CHST6: variants seen among roughly 807,000 people sequenced by gnomAD.
The protein encoded by CHST6 is N-acetylglucosamine 6-O-sulfotransferase 5.
For synonymous variants in CHST6, 309 were observed against 276.4 expected (o/e 1.12, Z -1.17); for missense variants, 698 against 586.2 (o/e 1.19, Z -1.97).
At chr16:75,487,284 T>G (rs1462528811) in intron 1 of CHST6, among the ~76,000 whole-genome samples, 1 of 152,076 alleles carries the variant, frequency 6.6e-6, no homozygotes, top group Admixed American at 6.6e-5. Flanking sequence ...CCAAGGATGG[T>G]TTTCCATAGC....
intron 1 of CHST6, among the ~76,000 whole-genome samples, chr16:75,486,731 C>T (rs1441725592): frequency 6.6e-6 from 1 of 152,222 alleles, no homozygotes; most frequent in East Asian, 1.9e-4. Context: ...GACCCCTCAG[C>T]TGAGGGAAGC....
rs752453536 is a variant in CHST6 at position 75,479,746 on chromosome 16, C to A, written c.83G>T (p.Arg28Leu). ...QTFLLLFLVS[R>L]PGPSSPAGGE... ...GCCTGCTGGGGACGAGGGCCCTGGC[C>A]GGGAAACCAGAAAGAGGAGGAGGAA... Residue 28 changes from arginine to leucine, a missense_variant, in exon 3 of 3, where the codon CGG becomes CTG. Arg to Leu is a moderately radical substitution (Grantham distance 102). Transcript: ENST00000332272. 2 of 1,603,434 alleles carry A rather than the reference C, an allele frequency of 1.2e-6. No homozygotes were observed. Among genetic ancestry groups the A allele is most frequent in the South Asian group, 2.2e-5 (2 of 89,996 alleles).
chr16:75,489,680 C>G (rs1227910951), intron 1 of CHST6, among the ~76,000 whole-genome samples: 2 of 152,004 alleles, frequency 1.3e-5, no homozygotes, highest in Non-Finnish European at 2.9e-5. Context: ...AGTTGCAAAT[C>G]ATGTCTACAG....
chr16:75,479,627 A>G lies in CHST6; in HGVS notation c.202T>C (p.Tyr68His), dbSNP rs775742450. The change falls in exon 3 of 3, where the codon TAC becomes CAC. Residue 68 changes from tyrosine (Y) to histidine (H), a missense_variant. Coordinates refer to ENST00000332272, the MANE Select transcript of CHST6 (RefSeq NM_021615.5). ...ACGTGCCACGCGGGCTCCATTAGGT[A>G]GAAGACGTCGGGGTGCTGGTTGAAG... ...QLFNQHPDVFYLMEPAWHVWT... is the reference protein window; with the variant it reads ...QLFNQHPDVFHLMEPAWHVWT... 2 of 1,612,772 alleles carry G rather than the reference A, an allele frequency of 1.2e-6. No homozygotes were observed. Among genetic ancestry groups the G allele is most frequent in the Non-Finnish European group, 8.5e-7 (1 of 1,179,796 alleles).
rs1342254987 is a variant in CHST6, at chr16:75,479,630, A to G, written c.199T>C (p.Phe67Leu). The G allele has an allele frequency of 1.2e-5, 20 of 1,612,802 alleles. No individual in the cohort carries two copies. The highest frequency in any genetic ancestry group is 1.7e-5 in the Non-Finnish European group (20 of 1,179,804). Residue 67 changes from phenylalanine to leucine, a missense_variant, in exon 3 of 3, where the codon TTC (phenylalanine) becomes CTC (leucine). Phe to Leu is a conservative substitution (Grantham distance 22, BLOSUM62 0). Coordinates refer to ENST00000332272, the MANE Select transcript of CHST6 (RefSeq NM_021615.5). ...TGCCACGCGGGCTCCATTAGGTAGA[A>G]GACGTCGGGGTGCTGGTTGAAGAGT... ...GQLFNQHPDV[F>L]YLMEPAWHVW...
At chr16:75,490,326 A>C (rs1357350736) in intron 1 of CHST6, among the ~76,000 whole-genome samples, 1 of 152,072 alleles carries the variant, frequency 6.6e-6, no homozygotes, top group African/African-American at 2.4e-5. Flanking sequence ...TAAGAATACA[A>C]AATTAGCCAG....
intron 1 of CHST6, among the ~76,000 whole-genome samples, chr16:75,489,263 G>A (rs947842013): frequency 6.6e-6 from 1 of 151,724 alleles, no homozygotes; most frequent in East Asian, 1.9e-4. Flanking sequence ...GCTAGGCGTG[G>A]TGGTGCATGC....
In CHST6 at chr16:75,478,718, C is replaced by T. The variant is rs376274849; in HGVS notation, c.1111G>A (p.Ala371Thr). 2.5e-6 allele frequency: 4 copies of T among 1,613,468 alleles called. No homozygotes were observed. Among genetic ancestry groups the T allele is most frequent in the Non-Finnish European group, 1.7e-6 (2 of 1,180,036 alleles). The stretch of plus-strand genomic sequence containing the variant: ...CCTCGTGGCAGCACCAGATCAAGGG[C>T]GAGGTTGCGCTGCTCGTCCTCAGAG... Reference protein sequence around the residue: ...VYSEDEQRNLALDLVLPRGLN... With the variant: ...VYSEDEQRNLTLDLVLPRGLN... The change falls in exon 3 of 3, where the codon GCC (alanine) becomes ACC (threonine). Residue 371 changes from alanine to threonine, a missense_variant. By Grantham distance (58) the Ala-to-Thr change is moderately conservative. Transcript: ENST00000332272.
chr16:75,487,455 A>T (rs973847779), intron 1 of CHST6, among the ~76,000 whole-genome samples: 8 of 151,848 alleles, frequency 5.3e-5, no homozygotes, highest in Non-Finnish European at 1.2e-4. Context: ...ACCTGAGGTC[A>T]GGAGTTTGGG....
At position 75,479,358 on chromosome 16, in the gene CHST6, G is replaced by A. The variant is rs1456669441; in HGVS notation, c.471C>T (p.Ser157=). The A allele has an allele frequency of 1.9e-6, 3 of 1,612,726 alleles. No homozygotes were observed. Among genetic ancestry groups the A allele is most frequent in the Non-Finnish European group, 2.5e-6 (3 of 1,179,798 alleles). Residue 157 remains serine, a synonymous_variant, in exon 3 of 3, where the codon TCC becomes TCT. Transcript: ENST00000332272. The stretch of plus-strand genomic sequence containing the variant: ...GGCAGGCCTCCCGGGCCAGGGTGAA[G>A]GACTGCCGCGCGCACAGTGGCTTGC... ...AVCKPLCARQ[S]FTLAREACRS...
rs1456684985 is a variant in CHST6 at position 75,472,630 on chromosome 16, G to A, written c.*6011C>T. 2 of 152,286 alleles carry A rather than the reference G, an allele frequency of 1.3e-5. No individual in the cohort carries two copies. The highest frequency in any genetic ancestry group is 2.1e-4 in the South Asian group (1 of 4,832). The allele number at this position is 152,286 out of a possible 1,614,324, so 9.4% of individuals were successfully genotyped here. On this transcript the variant is annotated 3_prime_UTR_variant, in exon 3 of 3. Transcript: ENST00000332272. ...ATGGGGCAGTTGTGGCAGTGGTGGGGCGCAGTCTGTAGGAGTGGGTGACAA... is the reference window on the plus strand; with the variant it reads ...ATGGGGCAGTTGTGGCAGTGGTGGGACGCAGTCTGTAGGAGTGGGTGACAA...
In CHST6 at chr16:75,478,046, C is replaced by G. The variant is rs1269250842; in HGVS notation, c.*595G>C. On this transcript the variant is annotated 3_prime_UTR_variant, in exon 3 of 3. Coordinates refer to ENST00000332272, the MANE Select transcript of CHST6 (RefSeq NM_021615.5). ...TGGTCATGACTCTGCTTGCTCTTCCCTAAAGCAATTAAAATAGGAAAATCT... is the reference window on the plus strand; with the variant it reads ...TGGTCATGACTCTGCTTGCTCTTCCGTAAAGCAATTAAAATAGGAAAATCT... 6.0e-6 allele frequency: 1 copy of G among 167,234 alleles called. No individual in the cohort carries two copies. Among genetic ancestry groups the G allele is most frequent in the Non-Finnish European group, 1.3e-5 (1 of 76,308 alleles). The allele number at this position is 167,234 out of a possible 1,614,324, so 10.4% of individuals were successfully genotyped here. A position where few individuals can be genotyped will look rare whatever the true frequency, so the allele number is the denominator to read the frequency against.
rs553980917 is a variant in CHST6 at position 75,484,109 on chromosome 16, G to A, written c.-91-2218C>T. 7.8e-4 allele frequency among the ~76,000 whole-genome samples: 119 copies of A among 152,186 alleles called. No homozygotes were observed. In the South Asian group the frequency reaches 0.023, roughly 30 times the overall value. On this transcript the variant is annotated intron_variant, in intron 1 of 2. Coordinates refer to ENST00000332272, the MANE Select transcript of CHST6 (RefSeq NM_021615.5). Reference sequence around the variant, plus strand: ...ACCCAGCACTTCGGGAGGCTGAGGCGGGTGGATCACCTAAGGTCAGGAATT... The same window carrying A: ...ACCCAGCACTTCGGGAGGCTGAGGCAGGTGGATCACCTAAGGTCAGGAATT...
chr16:75,491,929 C>A (rs543667239), intron 1 of CHST6, among the ~76,000 whole-genome samples: 8 of 152,224 alleles, frequency 5.3e-5, no homozygotes. Context: ...CCCATGCACA[C>A]TCTCAACACC....
At chr16:75,484,120 C>A (rs1388634365) in intron 1 of CHST6, among the ~76,000 whole-genome samples, 3 of 151,004 alleles carry the variant, frequency 2.0e-5, no homozygotes, top group Non-Finnish European at 3.0e-5. Flanking sequence ...GGTGGATCAC[C>A]TAAGGTCAGG....
chr16:75,491,190 A>ATATATATAT (rs1555501737), intron 1 of CHST6, among the ~76,000 whole-genome samples: 3 of 50,088 alleles, frequency 6.0e-5, no homozygotes, highest in African/African-American at 1.1e-4. Context: ...AAAAAAAAAA[A>ATATATATAT]ATATATATAT....
At chr16:75,483,011 A>G (rs1249694593) in intron 1 of CHST6, among the ~76,000 whole-genome samples, 13 of 152,244 alleles carry the variant, frequency 8.5e-5, no homozygotes, top group Non-Finnish European at 1.6e-4. Flanking sequence ...GGGCGCCGAA[A>G]GAGAAGGGAA....
chr16:75,490,216 C>A (rs928510762), intron 1 of CHST6, among the ~76,000 whole-genome samples: 2 of 130,164 alleles, frequency 1.5e-5, no homozygotes, highest in African/African-American at 6.0e-5. Context: ...CAGTGGCTCA[C>A]GCCTGTAATC....
chr16:75,486,261 G>T (rs1363007487), intron 1 of CHST6, among the ~76,000 whole-genome samples: 1 of 152,238 alleles, frequency 6.6e-6, no homozygotes, highest in African/African-American at 2.4e-5. Context: ...TTGGATTGTG[G>T]TTTTTCGCAA....
Sources: allele counts gnomAD v4.1 joint callset (sites outside exome capture counted in the v4.1 genomes callset), GRCh38; gene constraint gnomAD v4.1.1; transcripts MANE v1.5; gene names NCBI Gene and HGNC (gene_info 2026-07-23, HGNC 2026-07-21).